TTLL1: variants seen among roughly 807,000 people sequenced by gnomAD.
TTLL1 encodes TTL family tubulin polyglutamylase complex subunit L1, also known as polyglutamylase complex subunit TTLL1.
A neutral mutation model predicts 47.8 loss-of-function variants in TTLL1; 33 were observed. The ratio of observed to expected loss-of-function variants is 0.69; its 90% confidence interval spans 0.52 to 0.92. TTLL1 has a LOEUF of 0.92. Ranked by LOEUF, TTLL1 falls within the 40% of genes least tolerant of loss-of-function variation. The probability of loss-of-function intolerance (pLI) is 0.00; values close to 1 mark genes in which losing one functional copy is unlikely to be tolerated. For missense variants in TTLL1, 488 were observed against 547.5 expected (o/e 0.89, Z 1.08); for synonymous variants, 225 against 214.1 (o/e 1.05, Z -0.45).
chr22:43,079,412 C>T (rs552767682), intron 2 of TTLL1, among the ~76,000 whole-genome samples: 19 of 151,540 alleles, frequency 1.3e-4, no homozygotes, highest in African/African-American at 4.4e-4. Flanking sequence ...GAGCGTGAGC[C>T]GATTCCACAC....
intron 2 of TTLL1, among the ~76,000 whole-genome samples, chr22:43,079,685 G>A (rs1295073406): frequency 2.0e-5 from 3 of 152,174 alleles, no homozygotes; most frequent in Admixed American, 6.5e-5. Flanking sequence ...AAGGCTGTGC[G>A]CGATTCTCAC....
At chr22:43,057,118 A>T (rs1601671347) in intron 8 of TTLL1, among the ~76,000 whole-genome samples, 1 of 151,984 alleles carries the variant, frequency 6.6e-6, no homozygotes, top group East Asian at 1.9e-4. Context: ...AAAAATACAA[A>T]AATTAGTTGG....
intron 10 of TTLL1, among the ~76,000 whole-genome samples, chr22:43,044,834 C>T (rs2146957848): frequency 6.6e-6 from 1 of 152,074 alleles, no homozygotes; most frequent in East Asian, 1.9e-4. Context: ...AGGCAACCTC[C>T]CAGGCCCCAT....
intron 8 of TTLL1, among the ~76,000 whole-genome samples, chr22:43,054,003 T>A (rs1926826535): frequency 6.6e-6 from 1 of 152,196 alleles, no homozygotes; most frequent in Admixed American, 6.5e-5. Context: ...CCCTTCCCAA[T>A]CATGAAGTCA....
chr22:43,050,051 T>C (rs12484492), intron 9 of TTLL1, among the ~76,000 whole-genome samples: 12,957 of 139,800 alleles, frequency 0.093, 977 homozygotes, highest in East Asian at 0.33. Context: ...GAGCCGAGAT[T>C]GCGCCATTGC....
intron 8 of TTLL1, among the ~76,000 whole-genome samples, chr22:43,057,365 G>A (rs1288012909): frequency 6.6e-6 from 1 of 151,526 alleles, no homozygotes; most frequent in African/African-American, 2.4e-5. Context: ...CCACCTCGGC[G>A]TCTCAAAGTG....
intron 1 of TTLL1, among the ~76,000 whole-genome samples, chr22:43,082,132 G>A (rs1928937324): frequency 1.3e-5 from 2 of 150,598 alleles, no homozygotes; most frequent in African/African-American, 4.9e-5. Context: ...GATTACTGGT[G>A]TGAGTCACCG....
intron 1 of TTLL1, among the ~76,000 whole-genome samples, chr22:43,088,334 T>C (rs1601714340): frequency 1.8e-5 from 2 of 108,212 alleles, no homozygotes; most frequent in African/African-American, 7.9e-5. Flanking sequence ...CTTTTTTTTT[T>C]TTTTTTTTTT....
intron 8 of TTLL1, among the ~76,000 whole-genome samples, chr22:43,056,741 C>T (rs533878590): frequency 8.4e-4 from 128 of 151,890 alleles, no homozygotes; most frequent in Non-Finnish European, 1.0e-3. Context: ...GCCAAGATCG[C>T]GCCACTGCAC....
Position 43,041,786 on chromosome 22 carries a change from G to C in TTLL1, c.1143-1881C>G, listed in dbSNP as rs573831056. Among the ~76,000 whole-genome samples the C allele has an allele frequency of 2.0e-5, 3 of 152,270 alleles. No individual in the cohort carries two copies. In the South Asian group the frequency reaches 6.2e-4, roughly 32 times the overall value. On this transcript the variant is annotated intron_variant, in intron 10 of 10. Coordinates refer to ENST00000266254, the MANE Select transcript of TTLL1 (RefSeq NM_012263.5). The stretch of plus-strand genomic sequence containing the variant: ...CTGCCTCGGTCTCCCAAAGTGCTGG[G>C]ATTACAGGTGTGAGCCACTGCGCCT...
intron 2 of TTLL1, among the ~76,000 whole-genome samples, chr22:43,076,477 C>T (rs533504876): frequency 3.3e-5 from 5 of 150,564 alleles, no homozygotes; most frequent in South Asian, 2.1e-4. Flanking sequence ...ATAGGCCGGG[C>T]GCGGTGGCTC....
chr22:43,060,739 G>A (rs560710071), intron 7 of TTLL1, among the ~76,000 whole-genome samples: 1 of 152,236 alleles, frequency 6.6e-6, no homozygotes, highest in East Asian at 1.9e-4. Flanking sequence ...GCTTATCTTT[G>A]AAGGCAAAGA....
intron 10 of TTLL1, among the ~76,000 whole-genome samples, chr22:43,042,458 T>C (rs1427088847): frequency 6.6e-6 from 1 of 152,152 alleles, no homozygotes; most frequent in Non-Finnish European, 1.5e-5. Flanking sequence ...ATCTAGTCAC[T>C]GTTAGGGTTT....
intron 8 of TTLL1, 44 bp downstream of exon 8, chr22:43,059,339 CA>C (rs765982083): frequency 6.3e-7 from 1 of 1,580,542 alleles, no homozygotes. Context: ...CCCCCACTCC[CA>C]AACGGGCCCT....
Position 43,051,853 on chromosome 22 carries a change from C to T in TTLL1, c.926G>A (p.Cys309Tyr). The T allele has an allele frequency of 1.2e-6, 2 of 1,614,080 alleles. No individual in the cohort carries two copies. The highest frequency in any genetic ancestry group is 1.7e-6 in the Non-Finnish European group (2 of 1,180,030). ...GTCGATGATGATGTCGTAGCCATAG[C>T]ATTCAAAGCAGTGCTTGTCATTGTT... ...VMNNDKHCFE[C>Y]YGYDIIIDDK... The change falls in exon 9 of 11, where the codon TGC becomes TAC. Residue 309 changes from cysteine (C) to tyrosine (Y), a missense_variant. Coordinates refer to ENST00000266254, the MANE Select transcript of TTLL1 (RefSeq NM_012263.5).
chr22:43,051,936 A>C, intron 8 of TTLL1, 49 bp from the exon 9 acceptor site: 1 of 1,571,636 alleles, frequency 6.4e-7, no homozygotes, highest in Non-Finnish European at 8.8e-7. Context: ...CGAAGGGCGC[A>C]GCCGAGACCA....
Position 43,059,474 on chromosome 22 carries a change from G to C in TTLL1, c.801C>G (p.Leu267=). The C allele has an allele frequency of 1.2e-6, 2 of 1,614,026 alleles. No individual in the cohort carries two copies. The highest frequency in any genetic ancestry group is 1.7e-6 in the Non-Finnish European group (2 of 1,179,966). Residue 267 remains leucine, a synonymous_variant, in exon 8 of 11, where the codon CTC becomes CTG. Transcript: ENST00000266254. ...CCTTGCCGCGGGTGCTCTCCAGGTAGAGCCGCAGGTTACTCACTGTCCACT... is the reference window on the plus strand; with the variant it reads ...CCTTGCCGCGGGTGCTCTCCAGGTACAGCCGCAGGTTACTCACTGTCCACT... ...GGKWTVSNLR[L]YLESTRGKEV... is the part of the protein sequence containing the mutation.
rs1926641739 is a variant in TTLL1 at position 43,051,781 on chromosome 22, G to A, written c.978+20C>T. Reference sequence around the variant, plus strand: ...GGGGCTATGTGTGGTGTGACCAGGTGCAGGTGCTCCCGCAGTTACCTCGAT... The same window carrying A: ...GGGGCTATGTGTGGTGTGACCAGGTACAGGTGCTCCCGCAGTTACCTCGAT... On this transcript the variant is annotated intron_variant, in intron 9 of 10. Coordinates refer to ENST00000266254, the MANE Select transcript of TTLL1 (RefSeq NM_012263.5). 4 of 1,612,196 alleles carry A rather than the reference G, an allele frequency of 2.5e-6. No individual in the cohort carries two copies. The highest frequency in any genetic ancestry group is 3.4e-6 in the Non-Finnish European group (4 of 1,178,276).
Position 43,069,641 on chromosome 22 carries a change from T to G in TTLL1, c.317A>C (p.Tyr106Ser), listed in dbSNP as rs1478727801. Residue 106 changes from tyrosine to serine, a missense_variant, in exon 4 of 11, where the codon TAT (tyrosine) becomes TCT (serine). Transcript: ENST00000266254. ...AEKDENGKYL[Y>S]LDFVPVTYML... ...CCGGTGGAAGACGCACAAACCCAGA[T>G]AGAGGTATTTTCCATTTTCATCTTT... 1.2e-6 allele frequency: 2 copies of G among 1,613,946 alleles called. No individual in the cohort carries two copies. The highest frequency in any genetic ancestry group is 2.7e-5 in the African/African-American group (2 of 74,882).
Sources: gnomAD v4.1 joint callset for allele counts (sites outside exome capture counted in the v4.1 genomes callset) on GRCh38, gnomAD v4.1.1 for gene constraint, MANE v1.5 for transcripts, NCBI Gene and HGNC (gene_info 2026-07-23, HGNC 2026-07-21) for gene names.